Variants in ECPAS observed in about 807,000 individuals in gnomAD.
ECPAS encodes the protein Ecm29 proteasome adaptor and scaffold.
ECPAS carries 70 observed loss-of-function variants against 255.1 expected under a neutral mutation model. That is an observed-to-expected ratio of 0.27 (90% confidence interval 0.23 to 0.33). The LOEUF is 0.33. Ranked by LOEUF, ECPAS falls within the 10% of genes least tolerant of loss-of-function variation. The pLI is 1.00. For missense variants in ECPAS, 1,817 were observed against 2,206.4 expected, an observed-to-expected ratio of 0.82 and a Z score of 3.54; for synonymous variants, 784 against 775.0, an observed-to-expected ratio of 1.01 and a Z score of -0.19.
chr9:111,382,877 C>T (rs182778037), intron 35 of ECPAS, among the ~76,000 whole-genome samples: 1 of 152,272 alleles, frequency 6.6e-6, no homozygotes, highest in Admixed American at 6.5e-5. Context: ...TGGTAAACAG[C>T]TTCTCTTAAA....
chr9:111,374,059 A>C, intron 38 of ECPAS, 21 bp from the exon 39 acceptor site: 1 of 1,590,854 alleles, frequency 6.3e-7, no homozygotes, highest in East Asian at 2.2e-5. Context: ...ACAAAAGCAA[A>C]GGTCTAAATC....
chr9:111,420,051 A>G lies in ECPAS; in HGVS notation c.1525T>C (p.Ser509Pro). The change falls in exon 16 of 50, where the codon TCC (serine) becomes CCC (proline). Residue 509 changes from serine to proline, a missense_variant. Ser to Pro is a moderately conservative substitution (Grantham distance 74, BLOSUM62 -1). Around this residue, in one of 4 missense-constraint regions of ECPAS, gnomAD observed 573 missense variants for 716.2 expected, o/e 0.80. Transcript: ENST00000684092. ...GCAGCCAGTAGCAGCAAATATCTGG[A>G]AGGGATATGATCTGAGGGAAACACC... ...STVFPSDHIPSRYLLLLAAGD... is the reference protein window; with the variant it reads ...STVFPSDHIPPRYLLLLAAGD... The G allele has an allele frequency of 6.2e-7, 1 of 1,612,670 alleles. No homozygotes were observed. Among genetic ancestry groups the G allele is most frequent in the Non-Finnish European group, 8.5e-7 (1 of 1,179,116 alleles).
intron 16 of ECPAS, among the ~76,000 whole-genome samples, chr9:111,418,261 C>T (rs2098207575): frequency 6.6e-6 from 1 of 152,098 alleles, no homozygotes; most frequent in Non-Finnish European, 1.5e-5. Context: ...AGATAGGGTA[C>T]TTTAAGTAAA....
chr9:111,376,428 C>A, intron 37 of ECPAS, 48 bp downstream of exon 37: 1 of 1,430,122 alleles, frequency 7.0e-7, no homozygotes, highest in Non-Finnish European at 9.7e-7. Context: ...AAGAATTACA[C>A]TTTCAGGTAA....
intron 6 of ECPAS, among the ~76,000 whole-genome samples, chr9:111,438,326 C>T (rs1052654627): frequency 2.0e-5 from 3 of 152,150 alleles, no homozygotes; most frequent in Non-Finnish European, 4.4e-5. Context: ...CATCTTAATA[C>T]TGCATAAAAC....
chr9:111,381,642 G>A (rs180996128), intron 35 of ECPAS, among the ~76,000 whole-genome samples: 38 of 152,310 alleles, frequency 2.5e-4, no homozygotes, highest in African/African-American at 8.2e-4. Context: ...ACTAAGTGAC[G>A]TGTGACTGCA....
rs1432099833 is a variant in ECPAS at position 111,407,456 on chromosome 9, T to A, written c.2652+1115A>T. Among the ~76,000 whole-genome samples the A allele has an allele frequency of 9.0e-5, 8 of 88,402 alleles. 1 individual carries two copies. Among genetic ancestry groups the A allele is most frequent in the South Asian group, 4.0e-4 (1 of 2,474 alleles). 58.0% of individuals were successfully genotyped at this position (88,402 alleles called of 152,430 possible). ...AAAAAAAACCTAGAAGAAACCCACC[T>A]CACTCAGGGATTCAAAAAAGGAAAA... On this transcript the variant is annotated intron_variant, in intron 24 of 49. Transcript: ENST00000684092.
chr9:111,364,076 G>C (rs1340710531), intron 48 of ECPAS, among the ~76,000 whole-genome samples: 4 of 152,136 alleles, frequency 2.6e-5, no homozygotes, highest in African/African-American at 7.2e-5. Context: ...GGGACACCTG[G>C]AACTCAGCAA....
chr9:111,430,826 A>C (rs1410298), intron 8 of ECPAS, among the ~76,000 whole-genome samples, 198 bp from the exon 9 acceptor site: 9,741 of 152,326 alleles, frequency 0.064, 453 homozygotes, highest in East Asian at 0.2. Flanking sequence ...ACCAAAACAA[A>C]TACAAATCAC....
chr9:111,464,270 C>CA (rs200787710), intron 2 of ECPAS, among the ~76,000 whole-genome samples: 6,090 of 124,194 alleles, frequency 0.049, 306 homozygotes, highest in East Asian at 0.18. Context: ...CCATCTCTAC[C>CA]AAAAAAAAAA....
At chr9:111,368,889 AC>A in intron 46 of ECPAS, 145 bp downstream of exon 46, 1 of 713,246 alleles carries the variant, frequency 1.4e-6, no homozygotes, top group South Asian at 2.9e-5. Context: ...ACTCATGTAG[AC>A]AAAAAACTTT....
intron 2 of ECPAS, among the ~76,000 whole-genome samples, chr9:111,463,437 G>C (rs1365404196): frequency 6.6e-6 from 1 of 152,286 alleles, no homozygotes; most frequent in East Asian, 1.9e-4. Flanking sequence ...ATTCTCTACA[G>C]AAAACAGAGT....
chr9:111,410,309 A>G, intron 22 of ECPAS, 96 bp from the exon 23 acceptor site: 1 of 983,612 alleles, frequency 1.0e-6, no homozygotes, highest in East Asian at 2.7e-5. Context: ...TAAGACGGCA[A>G]AATAAAATCA....
intron 3 of ECPAS, among the ~76,000 whole-genome samples, chr9:111,446,249 G>A (rs913120992): frequency 2.6e-5 from 4 of 152,214 alleles, no homozygotes; most frequent in African/African-American, 9.6e-5. Context: ...TCAACAGTTT[G>A]CATGGATAGA....
At chr9:111,417,619 C>T (rs529037109) in intron 17 of ECPAS, among the ~76,000 whole-genome samples, 60 of 152,060 alleles carry the variant, frequency 3.9e-4, no homozygotes, top group South Asian at 1.2e-3. Context: ...TGGTGGCAGG[C>T]GCCTATAATC....
intron 48 of ECPAS, 52 bp downstream of exon 48, chr9:111,366,187 C>A: frequency 8.5e-7 from 1 of 1,174,056 alleles, no homozygotes; most frequent in South Asian, 1.3e-5. Context: ...AAGCTCAGCT[C>A]CTTAGCTTTA....
intron 9 of ECPAS, among the ~76,000 whole-genome samples, chr9:111,428,863 T>C (rs573897737): frequency 4.4e-4 from 67 of 152,252 alleles, no homozygotes; most frequent in Non-Finnish European, 8.5e-4. Context: ...CCCTTGTCCT[T>C]ATATGCTTTT....
intron 16 of ECPAS, 130 bp from the exon 17 acceptor site, chr9:111,418,136 T>C: frequency 3.7e-6 from 3 of 807,022 alleles, no homozygotes; most frequent in Non-Finnish European, 5.5e-6. Context: ...CATTCTTGGC[T>C]ATCTAAGCAG....
At chr9:111,476,196 G>A (rs1255614744) in intron 1 of ECPAS, among the ~76,000 whole-genome samples, 1 of 152,178 alleles carries the variant, frequency 6.6e-6, no homozygotes, top group Non-Finnish European at 1.5e-5. Flanking sequence ...ACGAAGATCA[G>A]ATTCTAAGGA....
Sources: gnomAD v4.1 joint callset for allele counts (sites outside exome capture counted in the v4.1 genomes callset) on GRCh38, gnomAD v4.1.1 for gene constraint, gnomAD v4.1.1 regional missense constraint, MANE v1.5 for transcripts, NCBI Gene and HGNC (gene_info 2026-07-23, HGNC 2026-07-21) for gene names.